Variants in RBFOX1 observed in about 807,000 individuals in gnomAD.
RBFOX1 encodes the protein RNA binding fox-1 homolog 1.
A neutral mutation model predicts 57.7 loss-of-function variants in RBFOX1; 8 were observed. That is an observed-to-expected ratio of 0.14 (90% CI 0.08 to 0.25). The LOEUF is 0.25. Among genes scored for constraint, RBFOX1 ranks in the 10% least tolerant of loss-of-function variants. The pLI, the probability that RBFOX1 is intolerant of heterozygous loss-of-function variation, is 1.00. For missense variants in RBFOX1, 611 were observed against 548.5 expected, an observed-to-expected ratio of 1.11 and a Z score of -1.14; for synonymous variants, 326 against 222.4, an observed-to-expected ratio of 1.47 and a Z score of -4.15.
chr16:6,688,697 G>C (rs1411893948), intron 3 of RBFOX1, among the ~76,000 whole-genome samples: 9 of 152,080 alleles, frequency 5.9e-5, no homozygotes, highest in Admixed American at 5.9e-4. Flanking sequence ...GTGCAGGTTT[G>C]TTACATAGGT....
intron 4 of RBFOX1, among the ~76,000 whole-genome samples, chr16:7,395,210 A>G (rs4372709): frequency 0.14 from 20,565 of 148,220 alleles, 1,524 homozygotes; most frequent in East Asian, 0.26. Context: ...TGCCTGATCT[A>G]TGTAGATGCA....
At chr16:6,043,558 A>G (rs1473565539) in intron 1 of RBFOX1, among the ~76,000 whole-genome samples, 1 of 152,186 alleles carries the variant, frequency 6.6e-6, no homozygotes, top group Non-Finnish European at 1.5e-5. Flanking sequence ...CTAAACTCAA[A>G]AAGGGAAAGG....
chr16:7,356,210 G>A (rs943837925), intron 4 of RBFOX1, among the ~76,000 whole-genome samples: 1 of 152,194 alleles, frequency 6.6e-6, no homozygotes, highest in African/African-American at 2.4e-5. Context: ...TGAGAATACA[G>A]CACTGAATAG....
intron 2 of RBFOX1, among the ~76,000 whole-genome samples, chr16:6,409,638 G>T (rs1323994070): frequency 4.6e-5 from 7 of 152,100 alleles, no homozygotes. Flanking sequence ...GAAAGAACCT[G>T]AATGAACAAA....
intron 4 of RBFOX1, among the ~76,000 whole-genome samples, chr16:7,367,049 A>G (rs141715340): frequency 3.4e-5 from 5 of 148,128 alleles, no homozygotes; most frequent in African/African-American, 1.2e-4. Context: ...CCTCCCCCAA[A>G]CCCCCCAGTT....
intron 14 of RBFOX1, among the ~76,000 whole-genome samples, chr16:7,678,846 C>T (rs1294303264): frequency 6.6e-6 from 1 of 152,154 alleles, no homozygotes; most frequent in Non-Finnish European, 1.5e-5. Context: ...CAACATGTCC[C>T]ACTGAAAGAT....
At chr16:7,137,635 C>G (rs970354440) in intron 4 of RBFOX1, among the ~76,000 whole-genome samples, 1 of 152,136 alleles carries the variant, frequency 6.6e-6, no homozygotes, top group Non-Finnish European at 1.5e-5. Context: ...CGGACTAATA[C>G]AAAAGGAAAC....
In RBFOX1 at chr16:6,978,909, G is replaced by C. The variant is rs1020811345; in HGVS notation, c.-15-73148G>C. On this transcript the variant is annotated intron_variant, in intron 3 of 15. Coordinates refer to ENST00000550418, the MANE Select transcript of RBFOX1 (RefSeq NM_018723.4). ...CTTTCGGATGCTGCAGAGTGCATTG[G>C]AAGGGCACAGAGGCCTGGGGACCAC... is the stretch of plus-strand genomic sequence containing the variant. Among the ~76,000 whole-genome samples the C allele has an allele frequency of 2.0e-5, 3 of 152,166 alleles. No homozygotes were observed. The East Asian group carries it at 5.8e-4, about 29-fold the overall frequency.
chr16:6,675,743 C>G (rs775335145), intron 3 of RBFOX1, among the ~76,000 whole-genome samples: 2 of 152,134 alleles, frequency 1.3e-5, no homozygotes, highest in Non-Finnish European at 2.9e-5. Flanking sequence ...CTTTATGAAA[C>G]CATCAGATCT....
intron 1 of RBFOX1, among the ~76,000 whole-genome samples, chr16:6,197,793 C>T (rs1271766955): frequency 1.3e-5 from 2 of 152,080 alleles, no homozygotes; most frequent in Admixed American, 6.6e-5. Flanking sequence ...TCTCCCTCCT[C>T]CCACCCTCCA....
intron 4 of RBFOX1, among the ~76,000 whole-genome samples, chr16:7,504,034 T>G (rs1175507328): frequency 6.6e-6 from 1 of 152,198 alleles, no homozygotes; most frequent in Non-Finnish European, 1.5e-5. Context: ...TTTTTGAAAC[T>G]TTCTGTATAA....
chr16:7,580,824 C>T lies in RBFOX1; in HGVS notation c.414+904C>T, dbSNP rs1848172. On this transcript the variant is annotated intron_variant, in intron 6 of 15. Coordinates refer to ENST00000550418, the MANE Select transcript of RBFOX1 (RefSeq NM_018723.4). ...GATGTAGCCAATTTGCCCATGACAT[C>T]CCAGCAATGATAGCAGGTGCCTCTG... Among the ~76,000 whole-genome samples, 859 of 152,260 alleles carry T rather than the reference C, an allele frequency of 5.6e-3. 16 individuals are homozygous for T. Among genetic ancestry groups the T allele is most frequent in the African/African-American group, 0.016 (682 of 41,546 alleles).
At chr16:7,007,812 A>C (rs377321451) in intron 3 of RBFOX1, among the ~76,000 whole-genome samples, 26 of 152,308 alleles carry the variant, frequency 1.7e-4, no homozygotes, top group African/African-American at 6.3e-4. Flanking sequence ...TGAAGCCTGC[A>C]CGCTCCTGTG....
intron 2 of RBFOX1, among the ~76,000 whole-genome samples, chr16:6,595,958 A>C (rs1270479472): frequency 6.6e-6 from 1 of 151,986 alleles, no homozygotes; most frequent in Non-Finnish European, 1.5e-5. Context: ...ATTAAGTTTT[A>C]TATAAGGGTT....
At chr16:6,727,989 A>G (rs756204012) in intron 3 of RBFOX1, among the ~76,000 whole-genome samples, 2 of 152,200 alleles carry the variant, frequency 1.3e-5, no homozygotes, top group Non-Finnish European at 2.9e-5. Context: ...TAAATTCCCT[A>G]TCTGTAAATT....
chr16:6,957,987 C>T (rs1251725002), intron 3 of RBFOX1, among the ~76,000 whole-genome samples: 1 of 152,098 alleles, frequency 6.6e-6, no homozygotes, highest in African/African-American at 2.4e-5. Flanking sequence ...AGGACCAGCT[C>T]CTGCATAGGG....
chr16:5,239,830 A>T, exon 1 of RBFOX1: 1 of 1,050,508 alleles, frequency 9.5e-7, no homozygotes, highest in Non-Finnish European at 1.4e-6. Flanking sequence ...CTCCGCCGAG[A>T]GGCCGCTCGC....
intron 1 of RBFOX1, among the ~76,000 whole-genome samples, chr16:6,281,274 C>G (rs2076351818): frequency 6.6e-6 from 1 of 152,030 alleles, no homozygotes; most frequent in Non-Finnish European, 1.5e-5. Context: ...TCACCATAAC[C>G]TTCAGAGATG....
Position 6,106,697 on chromosome 16 carries a change from T to C in RBFOX1, c.-127+86705T>C, listed in dbSNP as rs138297075. The stretch of plus-strand genomic sequence containing the variant: ...CTTTTCCTTTTTTTGAGACGGAGTG[T>C]CGCTCTGTTGCCCAGGGTGGAGTGC... On this transcript the variant is annotated intron_variant, in intron 1 of 15. Coordinates refer to ENST00000550418, the MANE Select transcript of RBFOX1 (RefSeq NM_018723.4). Among the ~76,000 whole-genome samples, 117 of 152,144 alleles carry C rather than the reference T, an allele frequency of 7.7e-4. 1 individual carries two copies. The East Asian group carries it at 0.021, about 28-fold the overall frequency.
Sources: gnomAD v4.1 joint callset for allele counts (sites outside exome capture counted in the v4.1 genomes callset) on GRCh38, gnomAD v4.1.1 for gene constraint, MANE v1.5 for transcripts, NCBI Gene and HGNC (gene_info 2026-07-23, HGNC 2026-07-21) for gene names.